BAIAP2L1: variants seen among roughly 807,000 people sequenced by gnomAD.
BAIAP2L1 encodes the protein BAR/IMD domain-containing adapter protein 2-like 1.
A neutral mutation model predicts 66.3 loss-of-function variants in BAIAP2L1; 35 were observed. That is an observed-to-expected ratio of 0.53 (90% CI 0.40 to 0.70). BAIAP2L1 has a LOEUF of 0.70. BAIAP2L1 is among the 30% of genes least tolerant of loss of function. The probability of loss-of-function intolerance (pLI) is 0.00; values close to 1 mark genes in which losing one functional copy is unlikely to be tolerated. For missense variants in BAIAP2L1, 622 were observed against 656.9 expected (o/e 0.95, Z 0.58); for synonymous variants, 269 against 248.7 (o/e 1.08, Z -0.77).
At chr7:98,353,281 G>C (rs1802038530) in intron 3 of BAIAP2L1, among the ~76,000 whole-genome samples, 1 of 147,636 alleles carries the variant, frequency 6.8e-6, no homozygotes, top group South Asian at 2.1e-4. Context: ...TAGAGGCCAA[G>C]AGTTCAAGAC....
chr7:98,306,600 G>C, intron 10 of BAIAP2L1, 84 bp from the exon 11 acceptor site: 1 of 1,596,144 alleles, frequency 6.3e-7, no homozygotes, highest in Non-Finnish European at 8.6e-7. Flanking sequence ...GAGAGCTCAG[G>C]GCAGACAGGT....
chr7:98,342,505 G>C (rs1174381228), intron 3 of BAIAP2L1, among the ~76,000 whole-genome samples: 1 of 152,120 alleles, frequency 6.6e-6, no homozygotes, highest in Non-Finnish European at 1.5e-5. Context: ...GATTTTCTAG[G>C]TTCCCTGATA....
chr7:98,383,353 G>C (rs1319011866), intron 1 of BAIAP2L1, among the ~76,000 whole-genome samples: 1 of 146,140 alleles, frequency 6.8e-6, no homozygotes, highest in Non-Finnish European at 1.5e-5. Flanking sequence ...GTGCGATCTT[G>C]GCTCACCACA....
intron 3 of BAIAP2L1, among the ~76,000 whole-genome samples, chr7:98,347,602 C>A (rs1047927606): frequency 2.0e-5 from 3 of 151,938 alleles, no homozygotes; most frequent in African/African-American, 7.3e-5. Context: ...GGTGAAAACC[C>A]GCCTCTACTA....
chr7:98,301,728 G>A (rs1800435697), intron 12 of BAIAP2L1, among the ~76,000 whole-genome samples: 1 of 152,130 alleles, frequency 6.6e-6, no homozygotes, highest in South Asian at 2.1e-4. Context: ...GTGGTCTTGG[G>A]GAAGTGAGCT....
chr7:98,312,274 C>T lies in BAIAP2L1; in HGVS notation c.640-10G>A. 6.3e-7 allele frequency: 1 copy of T among 1,593,694 alleles called. No individual in the cohort carries two copies. Among genetic ancestry groups the T allele is most frequent in the East Asian group, 2.2e-5 (1 of 44,514 alleles). On this transcript the variant is annotated splice_polypyrimidine_tract_variant and intron_variant, in intron 7 of 13. Transcript: ENST00000005260. ...TCAGTAGTTCTGCAGACTGCAAAGC[C>T]AAAAGAAGAAGACTAAAGACAAAGA...
At chr7:98,356,994 C>CAAAAA (rs1171832329) in intron 2 of BAIAP2L1, among the ~76,000 whole-genome samples, 87 of 2,424 alleles carry the variant, frequency 0.036, 31 homozygotes, top group South Asian at 0.083. Flanking sequence ...GCCCCTGTCT[C>CAAAAA]AAAAAAAAAA....
At chr7:98,354,334 AT>A (rs1307377605) in intron 3 of BAIAP2L1, among the ~76,000 whole-genome samples, 1 of 152,084 alleles carries the variant, frequency 6.6e-6, no homozygotes, top group Non-Finnish European at 1.5e-5. Context: ...TTAACTGGAC[AT>A]GGATGCACTT....
intron 3 of BAIAP2L1, among the ~76,000 whole-genome samples, chr7:98,349,553 G>A (rs932025057): frequency 2.0e-5 from 3 of 152,158 alleles, no homozygotes; most frequent in East Asian, 1.9e-4. Flanking sequence ...AGACACTAAC[G>A]ATAACCTCTC....
At chr7:98,355,317 ACAGCCCCATGAGATCCTCGTCTCTGAC>A in intron 2 of BAIAP2L1, 189 bp from the exon 3 acceptor site, 1 of 600,304 alleles carries the variant, frequency 1.7e-6, no homozygotes, top group Non-Finnish European at 3.0e-6. Context: ...CAGCCAAGGG[ACAGCCCCATGAGATCCTCGTCTCTGAC>A]CAGCCCCGGG....
chr7:98,304,394 C>T lies in BAIAP2L1; in HGVS notation c.1242-18G>A, dbSNP rs748284062. On this transcript the variant is annotated intron_variant, in intron 11 of 13. Transcript: ENST00000005260. The stretch of plus-strand genomic sequence containing the variant: ...GTGTGGGGCTCAAACCCAAAAAGGA[C>T]ACAGCACGTGTTAGATAATGTCTCA... 53 of 1,613,122 alleles carry T rather than the reference C, an allele frequency of 3.3e-5. No homozygotes were observed. The Middle Eastern group carries it at 4.9e-4, about 15-fold the overall frequency.
At chr7:98,354,196 T>C (rs763490242) in intron 3 of BAIAP2L1, among the ~76,000 whole-genome samples, 7 of 151,766 alleles carry the variant, frequency 4.6e-5, no homozygotes, top group Non-Finnish European at 1.0e-4. Context: ...CCCTGTCTTT[T>C]ATGGGTCAGT....
intron 7 of BAIAP2L1, among the ~76,000 whole-genome samples, chr7:98,313,760 A>G (rs1351046215): frequency 6.6e-6 from 1 of 151,068 alleles, no homozygotes; most frequent in Non-Finnish European, 1.5e-5. Context: ...CTGGGGCCAC[A>G]GATGCACATC....
intron 2 of BAIAP2L1, among the ~76,000 whole-genome samples, 196 bp downstream of exon 2, chr7:98,362,157 CCTCA>C (rs1281918291): frequency 6.6e-6 from 1 of 152,006 alleles, no homozygotes; most frequent in Non-Finnish European, 1.5e-5. Flanking sequence ...CTTAGAGTAC[CCTCA>C]CTTTCATTCA....
chr7:98,305,267 T>C (rs899477878), intron 11 of BAIAP2L1, among the ~76,000 whole-genome samples: 1 of 151,140 alleles, frequency 6.6e-6, no homozygotes, highest in African/African-American at 2.4e-5. Flanking sequence ...TGATTTAATC[T>C]AAGGAAAGAA....
chr7:98,392,805 T>C (rs936691121), intron 1 of BAIAP2L1, among the ~76,000 whole-genome samples: 1 of 152,054 alleles, frequency 6.6e-6, no homozygotes, highest in East Asian at 1.9e-4. Context: ...ACACTTCTTG[T>C]TCTTTTTGAG....
At position 98,328,679 on chromosome 7, in the gene BAIAP2L1, C is replaced by CAA. The variant is rs1158387861; in HGVS notation, c.215-8383_215-8382dup. 2.3e-3 allele frequency among the ~76,000 whole-genome samples: 130 copies of CAA among 56,604 alleles called. 1 individual carries two copies. Among genetic ancestry groups the CAA allele is most frequent in the Middle Eastern group, 9.1e-3 (1 of 110 alleles). 37.1% of individuals were successfully genotyped at this position (56,604 alleles called of 152,430 possible). On this transcript the variant is annotated intron_variant, in intron 3 of 13. Transcript: ENST00000005260. The stretch of plus-strand genomic sequence containing the variant: ...CTGGCAACATAGCAAGATCCCATCT[C>CAA]AAAAAAAAAAAAAAAAAAAAATTCA...
At chr7:98,400,713 G>T in intron 1 of BAIAP2L1, 89 bp downstream of exon 1, 1 of 1,416,922 alleles carries the variant, frequency 7.1e-7, no homozygotes, top group South Asian at 1.2e-5. Context: ...GGAGCTGGAG[G>T]GAGGGAAAGT....
At chr7:98,299,943 A>G (rs1236554273) in intron 12 of BAIAP2L1, among the ~76,000 whole-genome samples, 10 of 152,140 alleles carry the variant, frequency 6.6e-5, no homozygotes, top group African/African-American at 2.4e-4. Flanking sequence ...TAGGAGGCTG[A>G]GGCGGGAGAA....
Sources: gnomAD v4.1 joint callset for allele counts (sites outside exome capture counted in the v4.1 genomes callset) on GRCh38, gnomAD v4.1.1 for gene constraint, MANE v1.5 for transcripts, NCBI Gene and HGNC (gene_info 2026-07-23, HGNC 2026-07-21) for gene names.